The following PCDH9 variants were observed in gnomAD, a reference collection of about 807,000 sequenced individuals.
PCDH9 encodes the protein protocadherin 9, also known as protocadherin-9.
In PCDH9, 24 loss-of-function variants were observed where a neutral mutation model predicts 70.6. The ratio of observed to expected loss-of-function variants is 0.34; its 90% CI spans 0.25 to 0.48. The LOEUF is 0.48. Ranked by LOEUF, PCDH9 falls within the 20% of genes least tolerant of loss-of-function variation. The pLI, the probability that PCDH9 is intolerant of heterozygous loss-of-function variation, is 0.99. For synonymous variants in PCDH9, 562 were observed against 558.5 expected, an observed-to-expected ratio of 1.01 and a Z score of -0.09; for missense variants, 1,281 against 1,503.6, an observed-to-expected ratio of 0.85 and a Z score of 2.45.
intron 3 of PCDH9, among the ~76,000 whole-genome samples, chr13:66,641,232 C>CA (rs1331593508): frequency 6.6e-6 from 1 of 151,742 alleles, no homozygotes; most frequent in Non-Finnish European, 1.5e-5. Flanking sequence ...TCTTTTTCAG[C>CA]AAAAAAAGAA....
chr13:66,859,927 T>C (rs2081454534), intron 3 of PCDH9, among the ~76,000 whole-genome samples: 1 of 152,190 alleles, frequency 6.6e-6, no homozygotes, highest in South Asian at 2.1e-4. Flanking sequence ...TTTTCAAATT[T>C]TACAAATTTA....
intron 3 of PCDH9, among the ~76,000 whole-genome samples, chr13:66,704,992 A>T (rs549851933): frequency 1.3e-5 from 2 of 152,218 alleles, no homozygotes; most frequent in African/African-American, 2.4e-5. Context: ...AAAAAGTTAC[A>T]TTTGCAAATT....
chr13:66,895,861 G>C (rs1364473415), intron 3 of PCDH9, among the ~76,000 whole-genome samples: 1 of 152,132 alleles, frequency 6.6e-6, no homozygotes, highest in African/African-American at 2.4e-5. Context: ...TTATCTGAAA[G>C]GCTCATCCCC....
intron 3 of PCDH9, among the ~76,000 whole-genome samples, chr13:66,632,222 C>T (rs1188811178): frequency 6.6e-6 from 1 of 152,120 alleles, no homozygotes; most frequent in Non-Finnish European, 1.5e-5. Flanking sequence ...GGACACCGTA[C>T]CCATGTAAGT....
intron 3 of PCDH9, among the ~76,000 whole-genome samples, chr13:66,694,752 A>G (rs1328678121): frequency 1.3e-5 from 2 of 151,960 alleles, no homozygotes; most frequent in Non-Finnish European, 2.9e-5. Flanking sequence ...TATACACATT[A>G]TATATATTTA....
intron 2 of PCDH9, among the ~76,000 whole-genome samples, chr13:66,970,196 T>C (rs1413440082): frequency 6.6e-6 from 1 of 152,058 alleles, no homozygotes; most frequent in Non-Finnish European, 1.5e-5. Flanking sequence ...CAACTAGAGA[T>C]AGTGTGATGA....
At chr13:66,500,997 G>T (rs892279398) in intron 4 of PCDH9, among the ~76,000 whole-genome samples, 4 of 151,958 alleles carry the variant, frequency 2.6e-5, no homozygotes, top group Non-Finnish European at 4.4e-5. Flanking sequence ...ACACATCCAA[G>T]AACTTTATTA....
intron 3 of PCDH9, among the ~76,000 whole-genome samples, chr13:66,806,852 T>C (rs2080418601): frequency 6.6e-6 from 1 of 152,176 alleles, no homozygotes; most frequent in South Asian, 2.1e-4. Flanking sequence ...GCATAATAAA[T>C]AGTAGCAATT....
intron 2 of PCDH9, among the ~76,000 whole-genome samples, chr13:67,170,654 A>G (rs3013589): frequency 0.88 from 133,353 of 152,176 alleles, 59,162 homozygotes; most frequent in Non-Finnish European, 0.94. Flanking sequence ...GCCAGGCACT[A>G]TGGCTCAGGC....
chr13:67,189,951 C>A (rs2088865134), intron 2 of PCDH9, among the ~76,000 whole-genome samples: 1 of 151,868 alleles, frequency 6.6e-6, no homozygotes. Context: ...AAAACAAATT[C>A]TTGATAGAGT....
intron 4 of PCDH9, among the ~76,000 whole-genome samples, chr13:66,395,478 G>A (rs1277206475): frequency 6.6e-6 from 1 of 152,000 alleles, no homozygotes; most frequent in Non-Finnish European, 1.5e-5. Context: ...GCACGCGCCT[G>A]TAATCCTAGC....
intron 3 of PCDH9, among the ~76,000 whole-genome samples, chr13:66,865,526 C>T (rs549595128): frequency 1.3e-5 from 2 of 152,252 alleles, no homozygotes; most frequent in Admixed American, 1.3e-4. Context: ...TTTACAGGGG[C>T]AGTTTTAATT....
intron 3 of PCDH9, among the ~76,000 whole-genome samples, chr13:66,864,213 T>C (rs1046631343): frequency 6.6e-6 from 1 of 152,094 alleles, no homozygotes; most frequent in East Asian, 1.9e-4. Context: ...GATATAAAGA[T>C]AGTTCATAGG....
intron 4 of PCDH9, among the ~76,000 whole-genome samples, chr13:66,384,173 T>C (rs1320059143): frequency 6.6e-6 from 1 of 152,128 alleles, no homozygotes; most frequent in Non-Finnish European, 1.5e-5. Flanking sequence ...TGTTGGTTTT[T>C]GGTCTTAGAA....
chr13:66,391,152 A>G, intron 4 of PCDH9, among the ~76,000 whole-genome samples: 1 of 152,184 alleles, frequency 6.6e-6, no homozygotes, highest in East Asian at 1.9e-4. Context: ...TAATGCTGTA[A>G]TATAAAATAA....
chr13:66,426,275 C>T (rs1456278469), intron 4 of PCDH9, among the ~76,000 whole-genome samples: 1 of 151,046 alleles, frequency 6.6e-6, no homozygotes, highest in Non-Finnish European at 1.5e-5. Flanking sequence ...AATGGTAGTA[C>T]AACCTAATGA....
At chr13:66,562,405 T>G (rs537604639) in intron 4 of PCDH9, among the ~76,000 whole-genome samples, 2 of 152,174 alleles carry the variant, frequency 1.3e-5, no homozygotes, top group Admixed American at 6.5e-5. Flanking sequence ...AAGCCGCTAA[T>G]AAAGACATAC....
At chr13:66,911,790 T>C (rs755673151) in intron 2 of PCDH9, among the ~76,000 whole-genome samples, 2 of 152,206 alleles carry the variant, frequency 1.3e-5, no homozygotes, top group African/African-American at 4.8e-5. Flanking sequence ...AACTTAATTC[T>C]GTATTTTAAA....
At position 67,226,995 on chromosome 13, in the gene PCDH9, G is replaced by A; in HGVS notation, c.1446C>T (p.Asn482=). 2.5e-6 allele frequency: 4 copies of A among 1,614,038 alleles called. No homozygotes were observed. In the East Asian group the frequency reaches 6.7e-5, roughly 27 times the overall value. ...TAGTTGTTAAGTATAACCCACGTCG[G>A]TTGTTTTCAGAAACTGACAGCTCAA... The part of the protein sequence containing the change: ...PVIELSVSEN[N]RRGLYLTTIS... The change falls in exon 2 of 5, where the codon AAC becomes AAT. Residue 482 remains asparagine, a synonymous_variant. Coordinates refer to ENST00000377865, the MANE Select transcript of PCDH9 (RefSeq NM_203487.3). This position sits in a 1 kb window ranked among gnomAD's most constrained non-coding sequence, Gnocchi z 5.0.
Sources: allele counts gnomAD v4.1 joint callset (sites outside exome capture counted in the v4.1 genomes callset), GRCh38; gene constraint gnomAD v4.1.1; non-coding constraint Gnocchi (gnomAD v3.1); transcripts MANE v1.5; gene names NCBI Gene and HGNC (gene_info 2026-07-23, HGNC 2026-07-21).